The following CMKLR1 variants were observed in gnomAD, a reference collection of about 807,000 sequenced individuals.
CMKLR1 encodes chemerin chemokine-like receptor 1.
In CMKLR1, 6 loss-of-function variants were observed where a neutral mutation model predicts 8.2. That is an observed-to-expected ratio of 0.73 (90% CI 0.40 to 1.44). CMKLR1 has a LOEUF of 1.44. CMKLR1 is among the 40% of genes most tolerant of loss of function. The pLI, the probability that CMKLR1 is intolerant of heterozygous loss-of-function variation, is 0.02. For missense variants in CMKLR1, 429 were observed against 478.0 expected, an observed-to-expected ratio of 0.90 and a Z score of 0.96; for synonymous variants, 178 against 181.2, an observed-to-expected ratio of 0.98 and a Z score of 0.14.
intron 2 of CMKLR1, among the ~76,000 whole-genome samples, chr12:108,298,962 G>A (rs910491447): frequency 1.3e-5 from 2 of 152,252 alleles, no homozygotes; most frequent in African/African-American, 4.8e-5. Context: ...GTCCACGTGT[G>A]GGCGGCAGGA....
At chr12:108,310,300 G>T (rs569007835) in intron 2 of CMKLR1, among the ~76,000 whole-genome samples, 1 of 152,092 alleles carries the variant, frequency 6.6e-6, no homozygotes, top group African/African-American at 2.4e-5. Flanking sequence ...GCAATAGGGA[G>T]CCATGGATGG....
At chr12:108,328,050 G>A (rs998909624) in intron 2 of CMKLR1, among the ~76,000 whole-genome samples, 2 of 152,144 alleles carry the variant, frequency 1.3e-5, no homozygotes, top group African/African-American at 4.8e-5. Context: ...CCCCAGAGTC[G>A]TGTTTATGAT....
intron 2 of CMKLR1, among the ~76,000 whole-genome samples, chr12:108,328,118 A>C (rs1314428781): frequency 6.6e-6 from 1 of 152,214 alleles, no homozygotes; most frequent in African/African-American, 2.4e-5. Flanking sequence ...AAACAGTAAA[A>C]GAAAGGCCTG....
intron 2 of CMKLR1, among the ~76,000 whole-genome samples, chr12:108,303,664 T>C (rs1390809107): frequency 6.6e-6 from 1 of 152,212 alleles, no homozygotes; most frequent in African/African-American, 2.4e-5. Context: ...CACAAAACTC[T>C]GGCTTTTGCC....
At chr12:108,311,399 A>C (rs377545684) in intron 2 of CMKLR1, among the ~76,000 whole-genome samples, 19 of 152,162 alleles carry the variant, frequency 1.2e-4, no homozygotes, top group East Asian at 1.2e-3. Flanking sequence ...AGGGTCACTT[A>C]TAGCCAGGAG....
At chr12:108,325,414 C>T (rs926818812) in intron 2 of CMKLR1, among the ~76,000 whole-genome samples, 17 of 152,200 alleles carry the variant, frequency 1.1e-4, no homozygotes, top group African/African-American at 3.9e-4. Flanking sequence ...ACTCACTAAG[C>T]GCAGCCCTGT....
In CMKLR1 at chr12:108,291,565, T is replaced by C; in HGVS notation, c.*276A>G. ...GCCAATCCCAGTTCATGGCAATGCT[T>C]TTGAGAATTCTTCCTTTTTTGCTTT... On this transcript the variant is annotated 3_prime_UTR_variant, in exon 4 of 4. Transcript: ENST00000550402. The C allele has an allele frequency of 2.4e-6, 1 of 414,950 alleles. No homozygotes were observed. Among genetic ancestry groups the C allele is most frequent in the Non-Finnish European group, 4.3e-6 (1 of 230,408 alleles). 25.7% of individuals were successfully genotyped at this position (414,950 alleles called of 1,614,324 possible).
intron 2 of CMKLR1, among the ~76,000 whole-genome samples, chr12:108,307,470 C>T (rs1441889333): frequency 6.6e-6 from 1 of 152,202 alleles, no homozygotes. Flanking sequence ...AAAGTGGCAA[C>T]TCAAGAAACT....
chr12:108,331,134 G>C (rs1225191770), intron 1 of CMKLR1, among the ~76,000 whole-genome samples: 1 of 152,124 alleles, frequency 6.6e-6, no homozygotes, highest in Non-Finnish European at 1.5e-5. Context: ...ACTCAAGCTG[G>C]GAAGTTAAAC....
intron 1 of CMKLR1, among the ~76,000 whole-genome samples, chr12:108,335,154 G>C (rs6539424): frequency 0.29 from 44,783 of 152,106 alleles, 7,204 homozygotes; most frequent in African/African-American, 0.39. Context: ...ATTTGTGACA[G>C]AGACAGGTAG....
chr12:108,334,768 CT>C (rs746405362), intron 1 of CMKLR1, among the ~76,000 whole-genome samples: 1 of 152,212 alleles, frequency 6.6e-6, no homozygotes, highest in African/African-American at 2.4e-5. Flanking sequence ...AGGCAAGTCC[CT>C]TTAGCTCTCT....
intron 2 of CMKLR1, among the ~76,000 whole-genome samples, chr12:108,295,948 C>T (rs1444386867): frequency 1.3e-5 from 2 of 152,206 alleles, no homozygotes; most frequent in African/African-American, 4.8e-5. Flanking sequence ...CTGACATCCT[C>T]TGGGCATGTC....
At chr12:108,335,580 T>C (rs1178482212) in intron 1 of CMKLR1, among the ~76,000 whole-genome samples, 2 of 152,252 alleles carry the variant, frequency 1.3e-5, no homozygotes, top group South Asian at 2.1e-4. Context: ...TGATATACCA[T>C]TCGACCTCCT....
chr12:108,292,101 C>T lies in CMKLR1; in HGVS notation c.862G>A (p.Ala288Thr). 3.7e-6 allele frequency: 6 copies of T among 1,614,160 alleles called. No individual in the cohort carries two copies. The highest frequency in any genetic ancestry group is 5.1e-6 in the Non-Finnish European group (6 of 1,180,032). ...TLNLLELHHT[A>T]MPGSVFSLGL... ...AGGCTGAAGACAGAGCCAGGCATGG[C>T]AGTGTGGTGGAGCTCTAGGAGGTTG... The change falls in exon 4 of 4, where the codon GCC becomes ACC. Residue 288 changes from alanine to threonine, a missense_variant. Ala to Thr is a moderately conservative substitution (Grantham distance 58). Coordinates refer to ENST00000550402, the MANE Select transcript of CMKLR1 (RefSeq NM_001142343.2).
intron 2 of CMKLR1, among the ~76,000 whole-genome samples, chr12:108,295,445 G>A (rs1011854266): frequency 2.6e-5 from 4 of 152,188 alleles, no homozygotes; most frequent in African/African-American, 7.2e-5. Flanking sequence ...TGTGCCAAAC[G>A]GTGCAGGCAC....
chr12:108,307,042 G>C (rs1489715508), intron 2 of CMKLR1, among the ~76,000 whole-genome samples: 1 of 152,130 alleles, frequency 6.6e-6, no homozygotes, highest in Non-Finnish European at 1.5e-5. Context: ...CCAGCCCCTG[G>C]AGCTGGCCTG....
At chr12:108,322,572 C>T (rs1163459139) in intron 2 of CMKLR1, among the ~76,000 whole-genome samples, 1 of 152,122 alleles carries the variant, frequency 6.6e-6, no homozygotes, top group Non-Finnish European at 1.5e-5. Context: ...GACTTGGCAG[C>T]TGGAGTTGAT....
intron 2 of CMKLR1, among the ~76,000 whole-genome samples, chr12:108,307,244 G>A (rs894917180): frequency 2.0e-5 from 3 of 152,198 alleles, no homozygotes; most frequent in Non-Finnish European, 4.4e-5. Context: ...GAAGGCAGCT[G>A]GGGTGAGTGA....
intron 1 of CMKLR1, among the ~76,000 whole-genome samples, chr12:108,331,412 C>G (rs1274672235): frequency 6.8e-6 from 1 of 147,430 alleles, no homozygotes; most frequent in Non-Finnish European, 1.5e-5. Flanking sequence ...GCTACACTTG[C>G]ATCCATTCTA....
Sources: allele counts gnomAD v4.1 joint callset (sites outside exome capture counted in the v4.1 genomes callset), GRCh38; gene constraint gnomAD v4.1.1; transcripts MANE v1.5; gene names NCBI Gene and HGNC (gene_info 2026-07-23, HGNC 2026-07-21).